The following PIGC variants were observed in gnomAD, a reference collection of about 807,000 sequenced individuals.
The protein encoded by PIGC is phosphatidylinositol glycan anchor biosynthesis class C.
A neutral mutation model predicts 20.9 loss-of-function variants in PIGC; 14 were observed. That is an observed-to-expected ratio of 0.67 (90% confidence interval 0.44 to 1.05). The LOEUF is 1.05. Among genes scored for constraint, PIGC ranks in the 50% least tolerant of loss-of-function variants. The pLI is 0.00. For missense variants in PIGC, 310 were observed against 360.9 expected, an observed-to-expected ratio of 0.86 and a Z score of 1.14; for synonymous variants, 132 against 141.4, an observed-to-expected ratio of 0.93 and a Z score of 0.47.
At chr1:172,443,069 T>C (rs1380810005) in intron 1 of PIGC, 1 of 170,818 alleles carries the variant, frequency 5.9e-6, no homozygotes, top group Non-Finnish European at 1.4e-5. Context: ...ATGTATCTTC[T>C]TTCACTTAAT....
In PIGC at chr1:172,442,393, T is replaced by C; in HGVS notation, c.230A>G (p.Glu77Gly). Residue 77 changes from glutamate (E) to glycine (G), a missense_variant, in exon 2 of 2, where the codon GAG (glutamate) becomes GGG (glycine). Transcript: ENST00000344529. ...VFVVIWWYMD[E>G]GLLAPHWLLG... ...AAGCCAATGGGGGGCCAGAAGACCC[T>C]CATCCATATACCACCAGATAACCAC... 1 of 1,613,768 alleles carries C rather than the reference T, an allele frequency of 6.2e-7. No homozygotes were observed. Among genetic ancestry groups the C allele is most frequent in the Non-Finnish European group, 8.5e-7 (1 of 1,179,992 alleles).
In PIGC at chr1:172,442,691, T is replaced by G; in HGVS notation, c.-69A>C. On this transcript the variant is annotated 5_prime_UTR_variant, in exon 2 of 2. The change abolishes the stop of an existing upstream ORF in the 5' untranslated region. Coordinates refer to ENST00000344529, the MANE Select transcript of PIGC (RefSeq NM_153747.2). ...CAGAAGTCCAGGTGGTTCTTGTTCT[T>G]TATGAAGTTTTGAAATGAGACCTCC... is the stretch of plus-strand genomic sequence containing the variant. 1 of 1,366,632 alleles carries G rather than the reference T, an allele frequency of 7.3e-7. No individual in the cohort carries two copies. The highest frequency in any genetic ancestry group is 1.9e-5 in the Admixed American group (1 of 52,232). 84.7% of individuals were successfully genotyped at this position (1,366,632 alleles called of 1,614,324 possible).
Position 172,444,011 on chromosome 1 carries a change from G to C in PIGC, c.-232C>G. 3 of 1,000,266 alleles carry C rather than the reference G, an allele frequency of 3.0e-6. No homozygotes were observed. Among genetic ancestry groups the C allele is most frequent in the Non-Finnish European group, 3.6e-6 (3 of 830,192 alleles). The allele number at this position is 1,000,266 out of a possible 1,614,324, so 62.0% of individuals were successfully genotyped here. A position where few individuals can be genotyped will look rare whatever the true frequency, so the allele number is the denominator to read the frequency against. ...ACCCGAGAGTTCCTAGGGTTGCGCA[G>C]CTGGGGGACGGCGGCACCCAGCCTT... On this transcript the variant is annotated 5_prime_UTR_variant, in exon 1 of 2. Transcript: ENST00000344529.
Position 172,444,036 on chromosome 1 carries a change from T to C in PIGC, c.-257A>G. ...GCTGGGGGACGGCGGCACCCAGCCT[T>C]TTTCCCGCTTCGGGGCGCCGGGGCT... is the stretch of plus-strand genomic sequence containing the variant. On this transcript the variant is annotated 5_prime_UTR_variant, in exon 1 of 2. Coordinates refer to ENST00000344529, the MANE Select transcript of PIGC (RefSeq NM_153747.2). 1 of 999,962 alleles carries C rather than the reference T, an allele frequency of 1.0e-6. No individual in the cohort carries two copies. Among genetic ancestry groups the C allele is most frequent in the African/African-American group, 1.7e-5 (1 of 57,344 alleles). 61.9% of individuals were successfully genotyped at this position (999,962 alleles called of 1,614,324 possible). A position where few individuals can be genotyped will look rare whatever the true frequency, so the allele number is the denominator to read the frequency against.
At position 172,441,717 on chromosome 1, in the gene PIGC, G is replaced by C. The variant is rs1164562459; in HGVS notation, c.*12C>G. 5.2e-6 allele frequency: 8 copies of C among 1,527,010 alleles called. No individual in the cohort carries two copies. Among genetic ancestry groups the C allele is most frequent in the Non-Finnish European group, 7.0e-6 (8 of 1,138,954 alleles). 94.6% of individuals were successfully genotyped at this position (1,527,010 alleles called of 1,614,324 possible). ...TATCAGCTTGCTTTAATAATGTAAT[G>C]GATGTCCTAATTTAACTGAGGAACC... On this transcript the variant is annotated 3_prime_UTR_variant, in exon 2 of 2. Transcript: ENST00000344529.
chr1:172,441,735 G>C lies in PIGC; in HGVS notation c.888C>G (p.Leu296=). The change falls in exon 2 of 2, where the codon CTC becomes CTG. Residue 296 remains leucine, a synonymous_variant. Transcript: ENST00000344529. ...AEIKEDLSRF[L]S ...ATGTAATGGATGTCCTAATTTAACTGAGGAACCTGGACAAGTCTTCCTTGA... is the reference window on the plus strand; with the variant it reads ...ATGTAATGGATGTCCTAATTTAACTCAGGAACCTGGACAAGTCTTCCTTGA... The C allele has an allele frequency of 6.5e-7, 1 of 1,540,954 alleles. No individual in the cohort carries two copies. Among genetic ancestry groups the C allele is most frequent in the East Asian group, 2.3e-5 (1 of 44,254 alleles).
In PIGC at chr1:172,443,991, A is replaced by AG. The variant is rs1647657416; in HGVS notation, c.-213dup. ...CCGTTACACGGAACCCACCTACCCG[A>AG]GAGTTCCTAGGGTTGCGCAGCTGGG... is the stretch of plus-strand genomic sequence containing the variant. On this transcript the variant is annotated 5_prime_UTR_variant, in exon 1 of 2. Coordinates refer to ENST00000344529, the MANE Select transcript of PIGC (RefSeq NM_153747.2). 1 of 1,000,226 alleles carries AG rather than the reference A, an allele frequency of 1.0e-6. No individual in the cohort carries two copies. The highest frequency in any genetic ancestry group is 1.7e-5 in the African/African-American group (1 of 57,376). The allele number at this position is 1,000,226 out of a possible 1,614,324, so 62.0% of individuals were successfully genotyped here.
In PIGC at chr1:172,442,734, T is replaced by G. The variant is rs1647465166; in HGVS notation, c.-112A>C. The G allele has an allele frequency of 1.9e-5, 17 of 914,118 alleles. 1 individual carries two copies. The South Asian group carries it at 2.7e-4, about 15-fold the overall frequency. The allele number at this position is 914,118 out of a possible 1,614,324, so 56.6% of individuals were successfully genotyped here. A position where few individuals can be genotyped will look rare whatever the true frequency, so the allele number is the denominator to read the frequency against. On this transcript the variant is annotated 5_prime_UTR_variant, in exon 2 of 2. Transcript: ENST00000344529. ...AGACCTCCCTGGAAATTCCATGCTG[T>G]GTTGATGTTCTACCAACCTTTCCTT...
In PIGC at chr1:172,442,095, T is replaced by C. The variant is rs1446375376; in HGVS notation, c.528A>G (p.Thr176=). 6.2e-7 allele frequency: 1 copy of C among 1,614,202 alleles called. No individual in the cohort carries two copies. Among genetic ancestry groups the C allele is most frequent in the Non-Finnish European group, 8.5e-7 (1 of 1,180,032 alleles). The change falls in exon 2 of 2, where the codon ACA becomes ACG. Residue 176 remains threonine (T), a synonymous_variant. Transcript: ENST00000344529. ...YGANAAIVSS[T]LSLNMAIFAS... ...CAAAGATGGCCATGTTCAAGGATAG[T>C]GTGCTGGATACAATGGCAGCATTGG... is the stretch of plus-strand genomic sequence containing the variant.
Position 172,442,628 on chromosome 1 carries a change from T to C in PIGC, c.-6A>G, listed in dbSNP as rs13932. 355,918 of 1,598,662 alleles carry C rather than the reference T, an allele frequency of 0.22. 41,948 individuals carry two copies. Among genetic ancestry groups the C allele is most frequent in the East Asian group, 0.35 (15,505 of 44,506 alleles). On this transcript the variant is annotated 5_prime_UTR_variant, in exon 2 of 2. Coordinates refer to ENST00000344529, the MANE Select transcript of PIGC (RefSeq NM_153747.2). ...GTCACAGGTTGAGCATACATTATCC[T>C]TTCATTCAAACTCAGGCCAGTTTAA... is the stretch of plus-strand genomic sequence containing the variant.
At position 172,442,092 on chromosome 1, in the gene PIGC, T is replaced by C. The variant is rs756094179; in HGVS notation, c.531A>G (p.Leu177=). The change falls in exon 2 of 2, where the codon CTA becomes CTG. Residue 177 remains leucine (L), a synonymous_variant. Coordinates refer to ENST00000344529, the MANE Select transcript of PIGC (RefSeq NM_153747.2). The stretch of plus-strand genomic sequence containing the variant: ...AAGCAAAGATGGCCATGTTCAAGGA[T>C]AGTGTGCTGGATACAATGGCAGCAT... ...GANAAIVSST[L]SLNMAIFASV... is the part of the protein sequence containing the mutation. The C allele has an allele frequency of 1.7e-5, 27 of 1,614,120 alleles. No individual in the cohort carries two copies. The highest frequency in any genetic ancestry group is 3.3e-5 in the Admixed American group (2 of 60,024).
intron 1 of PIGC, 188 bp downstream of exon 1, chr1:172,443,800 G>C (rs959946767): frequency 1.6e-5 from 4 of 242,514 alleles, no homozygotes; most frequent in African/African-American, 9.4e-5. Context: ...CCCGCAGAGT[G>C]GGGCTGGGAG....
chr1:172,442,217 C>G lies in PIGC; in HGVS notation c.406G>C (p.Val136Leu). 6.2e-7 allele frequency: 1 copy of G among 1,614,018 alleles called. No homozygotes were observed. The highest frequency in any genetic ancestry group is 8.5e-7 in the Non-Finnish European group (1 of 1,179,888). Reference protein sequence around the residue: ...FITFTYGFSPVLKTLTESVST... With the variant: ...FITFTYGFSPLLKTLTESVST... ...ACAGACTCTGTAAGGGTCTTCAGCA[C>G]TGGTGAAAACCCATAAGTGAAAGTA... The change falls in exon 2 of 2, where the codon GTG becomes CTG. Residue 136 changes from valine to leucine, a missense_variant. Physicochemically the swap from Val to Leu is conservative, Grantham distance 32. Transcript: ENST00000344529.
chr1:172,442,815 C>A lies in PIGC; in HGVS notation c.-193G>T, dbSNP rs1647473126. ...AGATGAATTTGTCTCTGAGGCAGGA[C>A]AACACAGCCAAGTTCCTAGAAAAAG... On this transcript the variant is annotated 5_prime_UTR_variant, in exon 2 of 2. Coordinates refer to ENST00000344529, the MANE Select transcript of PIGC (RefSeq NM_153747.2). 1.1e-5 allele frequency: 6 copies of A among 564,874 alleles called. No homozygotes were observed. In the South Asian group the frequency reaches 1.5e-4, roughly 14 times the overall value. The allele number at this position is 564,874 out of a possible 1,614,324, so 35.0% of individuals were successfully genotyped here.
Position 172,444,053 on chromosome 1 carries a change from G to T in PIGC, c.-274C>A. On this transcript the variant is annotated 5_prime_UTR_variant, in exon 1 of 2. Transcript: ENST00000344529. Reference sequence around the variant, plus strand: ...CCCAGCCTTTTTCCCGCTTCGGGGCGCCGGGGCTGCGACTGTGGCCAAGCA... The same window carrying T: ...CCCAGCCTTTTTCCCGCTTCGGGGCTCCGGGGCTGCGACTGTGGCCAAGCA... 1 of 999,374 alleles carries T rather than the reference G, an allele frequency of 1.0e-6. No individual in the cohort carries two copies. Among genetic ancestry groups the T allele is most frequent in the Non-Finnish European group, 1.2e-6 (1 of 830,244 alleles). The allele number at this position is 999,374 out of a possible 1,614,324, so 61.9% of individuals were successfully genotyped here.
chr1:172,442,532 G>C lies in PIGC; in HGVS notation c.91C>G (p.Arg31Gly). The C allele has an allele frequency of 6.2e-7, 1 of 1,614,074 alleles. No individual in the cohort carries two copies. Among genetic ancestry groups the C allele is most frequent in the Non-Finnish European group, 8.5e-7 (1 of 1,179,982 alleles). Reference protein sequence around the residue: ...RQPFPDNYVDRRFLEELRKNI... With the variant: ...RQPFPDNYVDGRFLEELRKNI... ...TTCCGGAGCTCTTCCAGGAATCGCC[G>C]GTCCACATAGTTATCAGGAAAGGGC... Residue 31 changes from arginine (R) to glycine (G), a missense_variant, in exon 2 of 2, where the codon CGG (arginine) becomes GGG (glycine). Coordinates refer to ENST00000344529, the MANE Select transcript of PIGC (RefSeq NM_153747.2).
chr1:172,442,793 T>C lies in PIGC; in HGVS notation c.-171A>G. 3.3e-6 allele frequency: 2 copies of C among 605,026 alleles called. No individual in the cohort carries two copies. Among genetic ancestry groups the C allele is most frequent in the East Asian group, 2.8e-5 (1 of 36,214 alleles). The allele number at this position is 605,026 out of a possible 1,614,324, so 37.5% of individuals were successfully genotyped here. ...AGGCAGGGGCTAGGCCTACAATAGA[T>C]GAATTTGTCTCTGAGGCAGGACAAC... On this transcript the variant is annotated 5_prime_UTR_variant, in exon 2 of 2. Coordinates refer to ENST00000344529, the MANE Select transcript of PIGC (RefSeq NM_153747.2).
chr1:172,443,003 T>G lies in PIGC; in HGVS notation c.-208-173A>C, dbSNP rs1647496208. ...TTGAAAATTATAATTCCTTGAATAA[T>G]AATAGACATCTGTTAGCTATCGCTT... is the stretch of plus-strand genomic sequence containing the variant. On this transcript the variant is annotated intron_variant, in intron 1 of 1. Transcript: ENST00000344529. The G allele has an allele frequency of 6.8e-5, 13 of 190,694 alleles. No individual in the cohort carries two copies. The South Asian group carries it at 1.8e-3, about 26-fold the overall frequency. The allele number at this position is 190,694 out of a possible 1,614,324, so 11.8% of individuals were successfully genotyped here. A position where few individuals can be genotyped will look rare whatever the true frequency, so the allele number is the denominator to read the frequency against.
chr1:172,442,745 T>A lies in PIGC; in HGVS notation c.-123A>T. ...GAAATTCCATGCTGTGTTGATGTTC[T>A]ACCAACCTTTCCTTGTTTTCAAAGG... On this transcript the variant is annotated 5_prime_UTR_variant, in exon 2 of 2. Coordinates refer to ENST00000344529, the MANE Select transcript of PIGC (RefSeq NM_153747.2). The A allele has an allele frequency of 1.2e-6, 1 of 832,672 alleles. No homozygotes were observed. Among genetic ancestry groups the A allele is most frequent in the Non-Finnish European group, 2.0e-6 (1 of 511,018 alleles). The allele number at this position is 832,672 out of a possible 1,614,324, so 51.6% of individuals were successfully genotyped here.
Sources: allele counts gnomAD v4.1 joint callset, GRCh38; gene constraint gnomAD v4.1.1; transcripts MANE v1.5; gene names NCBI Gene and HGNC (gene_info 2026-07-23, HGNC 2026-07-21).